Variants in DNMBP observed in about 807,000 individuals in gnomAD.
The protein encoded by DNMBP is dynamin binding protein.
DNMBP carries 87 observed loss-of-function variants against 150.0 expected under a neutral mutation model. The ratio of observed to expected loss-of-function variants is 0.58; its 90% CI spans 0.49 to 0.69. DNMBP has a LOEUF of 0.69. Ranked by LOEUF, DNMBP falls within the 30% of genes least tolerant of loss-of-function variation. The pLI is 0.00. For missense variants in DNMBP, 1,774 were observed against 1,949.0 expected, an observed-to-expected ratio of 0.91 and a Z score of 1.69; for synonymous variants, 711 against 750.4, an observed-to-expected ratio of 0.95 and a Z score of 0.86.
In DNMBP at chr10:100,005,778, AAAAAAACC is replaced by A. The variant is rs1164927724; in HGVS notation, c.-11+4052_-11+4059del. ...TCAAAAGTCTCCAAAAAAAAAAAAAAAAAAAACCAAACTACATAAAGGAAAATGAATTA... is the reference window on the plus strand; with the variant it reads ...TCAAAAGTCTCCAAAAAAAAAAAAAAAAACTACATAAAGGAAAATGAATTA... On this transcript the variant is annotated intron_variant, in intron 1 of 16. Transcript: ENST00000324109. 2.2e-3 allele frequency among the ~76,000 whole-genome samples: 280 copies of A among 128,994 alleles called. 4 individuals are homozygous for A. Among genetic ancestry groups the A allele is most frequent in the African/African-American group, 8.3e-3 (264 of 31,706 alleles). The allele number at this position is 128,994 out of a possible 152,430, so 84.6% of individuals were successfully genotyped here.
At chr10:99,940,048 A>G (rs1204582209) in intron 4 of DNMBP, among the ~76,000 whole-genome samples, 1 of 152,218 alleles carries the variant, frequency 6.6e-6, no homozygotes, top group Admixed American at 6.5e-5. Context: ...TCCCACATGG[A>G]GTGGCCAGCT....
rs2039285033 is a variant in DNMBP at position 99,877,056 on chromosome 10, T to C, written c.*95A>G. The C allele has an allele frequency of 8.9e-7, 1 of 1,126,346 alleles. No individual in the cohort carries two copies. Among genetic ancestry groups the C allele is most frequent in the African/African-American group, 1.6e-5 (1 of 63,622 alleles). The allele number at this position is 1,126,346 out of a possible 1,614,324, so 69.8% of individuals were successfully genotyped here. Reference sequence around the variant, plus strand: ...ATGGTTAAGCAACGCAGACAGGGCCTGTGTCTCAGGAGCAGGCGCCCTCTC... The same window carrying C: ...ATGGTTAAGCAACGCAGACAGGGCCCGTGTCTCAGGAGCAGGCGCCCTCTC... On this transcript the variant is annotated 3_prime_UTR_variant, in exon 17 of 17. Transcript: ENST00000324109.
intron 1 of DNMBP, among the ~76,000 whole-genome samples, chr10:99,998,016 A>G (rs926686037): frequency 3.3e-5 from 5 of 150,216 alleles, no homozygotes; most frequent in African/African-American, 1.2e-4. Context: ...TGGGCAGATC[A>G]CAAGGTCAGG....
chr10:99,997,927 CAAAAAA>C (rs71009798), intron 1 of DNMBP, among the ~76,000 whole-genome samples: 1 of 22,330 alleles, frequency 4.5e-5, no homozygotes, highest in Non-Finnish European at 8.0e-5. Context: ...GACTCTGTCT[CAAAAAA>C]AAAAAAAAAA....
intron 1 of DNMBP, among the ~76,000 whole-genome samples, chr10:100,003,162 T>C (rs982185382): frequency 1.3e-5 from 2 of 152,118 alleles, no homozygotes; most frequent in Non-Finnish European, 2.9e-5. Flanking sequence ...CTGGCTATCA[T>C]GGTAAAACCC....
intron 9 of DNMBP, among the ~76,000 whole-genome samples, chr10:99,897,858 A>G (rs1418302804): frequency 6.6e-6 from 1 of 152,136 alleles, no homozygotes; most frequent in Non-Finnish European, 1.5e-5. Flanking sequence ...GGTTGCAGTG[A>G]GCTGAGATAG....
chr10:99,942,546 T>C (rs545490063), intron 4 of DNMBP, among the ~76,000 whole-genome samples: 18 of 152,344 alleles, frequency 1.2e-4, no homozygotes, highest in Non-Finnish European at 1.8e-4. Flanking sequence ...TCCTGTACCA[T>C]GCTGCAAAGC....
rs1018358666 is a variant in DNMBP, at chr10:99,885,920, A to G, written c.3619-54T>C. ...AGAAAAGAAGAAAACACGATAAAAG[A>G]TCCCAGAGAAAAGAAGAAAACATGA... On this transcript the variant is annotated intron_variant, in intron 13 of 16. Transcript: ENST00000324109. The G allele has an allele frequency of 6.8e-6, 10 of 1,464,752 alleles. No homozygotes were observed. In the African/African-American group the frequency reaches 1.4e-4, roughly 21 times the overall value. 90.7% of individuals were successfully genotyped at this position (1,464,752 alleles called of 1,614,324 possible). A position where few individuals can be genotyped will look rare whatever the true frequency, so the allele number is the denominator to read the frequency against.
intron 4 of DNMBP, among the ~76,000 whole-genome samples, chr10:99,953,290 G>A (rs2040444624): frequency 6.6e-6 from 1 of 151,354 alleles, no homozygotes. Flanking sequence ...TTAAGAGACA[G>A]GTCTCTCTAT....
At chr10:100,003,436 G>A (rs1305676508) in intron 1 of DNMBP, among the ~76,000 whole-genome samples, 1 of 152,164 alleles carries the variant, frequency 6.6e-6, no homozygotes, top group Admixed American at 6.5e-5. Context: ...AAAGGGGTCA[G>A]GGGAAAAAGC....
intron 1 of DNMBP, among the ~76,000 whole-genome samples, chr10:100,001,873 C>G (rs2041017355): frequency 6.6e-6 from 1 of 152,200 alleles, no homozygotes; most frequent in African/African-American, 2.4e-5. Flanking sequence ...CCCCTCCACA[C>G]CCTTAAGCTA....
In DNMBP at chr10:99,877,092, C is replaced by CTTAAAAAA; in HGVS notation, c.*58_*59insTTTTTTAA. Reference sequence around the variant, plus strand: ...AGCAGGCGCCCTCTCGGTGGGCCGCCAGAACCCTCGGCGGACTGAAAGCAA... The same window carrying CTTAAAAAA: ...AGCAGGCGCCCTCTCGGTGGGCCGCCTTAAAAAAAGAACCCTCGGCGGACTGAAAGCAA... On this transcript the variant is annotated 3_prime_UTR_variant, in exon 17 of 17. Coordinates refer to ENST00000324109, the MANE Select transcript of DNMBP (RefSeq NM_015221.4). 7.2e-7 allele frequency: 1 copy of CTTAAAAAA among 1,383,414 alleles called. No homozygotes were observed. The highest frequency in any genetic ancestry group is 1.7e-5 in the South Asian group (1 of 58,388). The allele number at this position is 1,383,414 out of a possible 1,614,324, so 85.7% of individuals were successfully genotyped here.
At chr10:99,933,800 G>A (rs755611178) in intron 4 of DNMBP, among the ~76,000 whole-genome samples, 3 of 152,116 alleles carry the variant, frequency 2.0e-5, no homozygotes, top group Admixed American at 1.3e-4. Context: ...GCAGTGGCGC[G>A]ATCTTGGCTC....
intron 1 of DNMBP, among the ~76,000 whole-genome samples, chr10:100,001,233 TAAAAAAAAAAAAAAA>T (rs71009800): frequency 4.1e-4 from 9 of 21,732 alleles, no homozygotes; most frequent in East Asian, 9.8e-4. Context: ...TCCGTCTCAT[TAAAAAAAAAAAAAAA>T]AAAAAAAAAA....
chr10:99,955,365 C>T lies in DNMBP; in HGVS notation c.2109G>A (p.Arg703=). 1 of 1,614,142 alleles carries T rather than the reference C, an allele frequency of 6.2e-7. No homozygotes were observed. ...LVLVRIEEME[R]DLDMYSRAQE... is the part of the protein sequence containing the mutation. ...GAGCTCTACTGTACATATCCAAGTC[C>T]CGCTCCATTTCCTCAATCCTCACCA... The change falls in exon 4 of 17, where the codon CGG becomes CGA. Residue 703 remains arginine (R), a synonymous_variant. Coordinates refer to ENST00000324109, the MANE Select transcript of DNMBP (RefSeq NM_015221.4).
At position 99,880,425 on chromosome 10, in the gene DNMBP, C is replaced by G. The variant is rs181492428; in HGVS notation, c.3998-64G>C. The G allele has an allele frequency of 2.5e-3, 3,656 of 1,446,908 alleles. 8 individuals carry two copies. The highest frequency in any genetic ancestry group is 3.4e-3 in the Admixed American group (121 of 36,086). 89.6% of individuals were successfully genotyped at this position (1,446,908 alleles called of 1,614,324 possible). A position where few individuals can be genotyped will look rare whatever the true frequency, so the allele number is the denominator to read the frequency against. ...CAGAAGGCTGGACAGACAGAGGGAG[C>G]ATTGAGAGAAAAAAAACTGATCTAG... On this transcript the variant is annotated intron_variant, in intron 15 of 16. Coordinates refer to ENST00000324109, the MANE Select transcript of DNMBP (RefSeq NM_015221.4).
In DNMBP at chr10:99,959,886, T is replaced by C. The variant is rs185570493; in HGVS notation, c.269-2681A>G. On this transcript the variant is annotated intron_variant, in intron 3 of 16. Transcript: ENST00000324109. ...AAAAAACAAAAAAAAAACAAATCTT[T>C]AGTAAAGGGTTCTTTGTTGGAGATG... is the stretch of plus-strand genomic sequence containing the variant. Among the ~76,000 whole-genome samples, 129 of 151,772 alleles carry C rather than the reference T, an allele frequency of 8.5e-4. 4 individuals are homozygous for C. In the East Asian group the frequency reaches 0.023, roughly 27 times the overall value.
chr10:99,919,760 T>G (rs967544622), intron 4 of DNMBP, among the ~76,000 whole-genome samples: 7 of 152,196 alleles, frequency 4.6e-5, no homozygotes, highest in African/African-American at 1.7e-4. Flanking sequence ...GCACTACAGC[T>G]TGGGCGACAG....
intron 1 of DNMBP, among the ~76,000 whole-genome samples, chr10:100,007,008 G>A (rs921973286): frequency 6.6e-6 from 1 of 151,994 alleles, no homozygotes; most frequent in African/African-American, 2.4e-5. Flanking sequence ...CAGCTTACTC[G>A]GGAGGCTGAG....
Sources: allele counts gnomAD v4.1 joint callset (sites outside exome capture counted in the v4.1 genomes callset), GRCh38; gene constraint gnomAD v4.1.1; transcripts MANE v1.5; gene names NCBI Gene and HGNC (gene_info 2026-07-23, HGNC 2026-07-21).